The following CCDC60 variants were observed in gnomAD, a reference collection of about 807,000 sequenced individuals.
CCDC60 encodes coiled-coil domain containing 60, also known as coiled-coil domain-containing protein 60.
CCDC60 carries 54 observed loss-of-function variants against 63.5 expected under a neutral mutation model. The observed-to-expected ratio is 0.85, with a 90% CI of 0.68 to 1.07. CCDC60 has a LOEUF of 1.07. CCDC60 is among the 50% of genes least tolerant of loss of function. The pLI is 0.00. For missense variants in CCDC60, 651 were observed against 684.3 expected, an observed-to-expected ratio of 0.95 and a Z score of 0.54; for synonymous variants, 206 against 238.8, an observed-to-expected ratio of 0.86 and a Z score of 1.27.
intron 1 of CCDC60, among the ~76,000 whole-genome samples, chr12:119,340,551 G>C (rs1256148284): frequency 6.6e-6 from 1 of 151,750 alleles, no homozygotes; most frequent in African/African-American, 2.4e-5. Flanking sequence ...ACCACCAAGT[G>C]ATGAGGATGG....
rs58353618 is a variant in CCDC60, at chr12:119,435,466, G to A, written c.170+6704G>A. On this transcript the variant is annotated intron_variant, in intron 2 of 13. Transcript: ENST00000327554. ...ACAGGAGTGTCCACTTTGACTTATC[G>A]ATGACTGGTCTATGGCTGGAAGGAG... Among the ~76,000 whole-genome samples, 959 of 152,176 alleles carry A rather than the reference G, an allele frequency of 6.3e-3. 12 individuals carry two copies. Among genetic ancestry groups the A allele is most frequent in the African/African-American group, 0.022 (904 of 41,504 alleles).
intron 5 of CCDC60, among the ~76,000 whole-genome samples, chr12:119,493,399 G>T (rs1395913919): frequency 6.6e-6 from 1 of 152,094 alleles, no homozygotes; most frequent in Non-Finnish European, 1.5e-5. Flanking sequence ...TTACTGTGCT[G>T]CAAGCAGAAG....
At chr12:119,489,731 C>G (rs369172089) in intron 5 of CCDC60, among the ~76,000 whole-genome samples, 6 of 152,132 alleles carry the variant, frequency 3.9e-5, no homozygotes, top group African/African-American at 1.2e-4. Flanking sequence ...TTCCCCACCC[C>G]CCGTGCTAAC....
intron 1 of CCDC60, among the ~76,000 whole-genome samples, chr12:119,336,132 A>G (rs1029434222): frequency 2.3e-4 from 35 of 150,200 alleles, no homozygotes; most frequent in African/African-American, 8.5e-4. Context: ...TTTGGGAGAT[A>G]TACCTGATGC....
intron 1 of CCDC60, among the ~76,000 whole-genome samples, chr12:119,359,865 A>G (rs937901950): frequency 1.3e-4 from 19 of 151,890 alleles, no homozygotes; most frequent in African/African-American, 4.6e-4. Context: ...GTCACAGATC[A>G]ACAGGATCCC....
chr12:119,511,742 G>A (rs1430179966), intron 7 of CCDC60, among the ~76,000 whole-genome samples: 1 of 152,210 alleles, frequency 6.6e-6, no homozygotes. Context: ...CCAGGTCGCT[G>A]TGGTCATTTG....
At chr12:119,519,451 GTATA>G (rs754766528) in intron 8 of CCDC60, among the ~76,000 whole-genome samples, 1 of 125,942 alleles carries the variant, frequency 7.9e-6, no homozygotes, top group African/African-American at 3.5e-5. Flanking sequence ...GTGTGTGTGT[GTATA>G]TATATATATA....
At chr12:119,428,545 A>G (rs1312245902) in intron 1 of CCDC60, 138 bp from the exon 2 acceptor site, 4 of 591,788 alleles carry the variant, frequency 6.8e-6, no homozygotes, top group African/African-American at 3.7e-5. Flanking sequence ...TTTGGTGTCA[A>G]GGTAGACTCT....
Position 119,540,637 on chromosome 12 carries a change from T to C in CCDC60, c.1575T>C (p.His525=). 1.2e-6 allele frequency: 2 copies of C among 1,613,978 alleles called. No individual in the cohort carries two copies. Among genetic ancestry groups the C allele is most frequent in the South Asian group, 1.1e-5 (1 of 91,086 alleles). Residue 525 remains histidine, a synonymous_variant, in exon 14 of 14, where the codon CAT becomes CAC. Transcript: ENST00000327554. ...AGTTTGTGCGAGAACACATCATCCA[T>C]ATGCCTCAAGAGGATTACATCAGCT... ...AIEFVREHII[H]MPQEDYISWL... is the part of the protein sequence containing the mutation.
At chr12:119,532,018 G>A (rs549600920) in intron 13 of CCDC60, among the ~76,000 whole-genome samples, 9 of 152,270 alleles carry the variant, frequency 5.9e-5, no homozygotes, top group South Asian at 4.1e-4. Context: ...GCTATGGAGC[G>A]TTTGACATTT....
chr12:119,379,413 A>G (rs1485283310), intron 1 of CCDC60, among the ~76,000 whole-genome samples: 1 of 152,216 alleles, frequency 6.6e-6, no homozygotes, highest in East Asian at 1.9e-4. Context: ...ACTGCCATCC[A>G]TGAAGTTGAT....
At chr12:119,497,069 G>A (rs1249505962) in intron 5 of CCDC60, among the ~76,000 whole-genome samples, 2 of 152,116 alleles carry the variant, frequency 1.3e-5, no homozygotes, top group East Asian at 3.9e-4. Context: ...CATCAACGAG[G>A]CAGAAAAAGG....
At chr12:119,369,197 T>A (rs1402538004) in intron 1 of CCDC60, among the ~76,000 whole-genome samples, 1 of 152,108 alleles carries the variant, frequency 6.6e-6, no homozygotes, top group Non-Finnish European at 1.5e-5. Context: ...GCTGGAGGAA[T>A]GAATGCTAAA....
intron 2 of CCDC60, among the ~76,000 whole-genome samples, chr12:119,469,756 T>C (rs1951020893): frequency 6.6e-6 from 1 of 152,138 alleles, no homozygotes; most frequent in Non-Finnish European, 1.5e-5. Flanking sequence ...GAATGGCCAA[T>C]GATTGTAAGA....
chr12:119,400,631 G>T (rs904361343), intron 1 of CCDC60, among the ~76,000 whole-genome samples: 6 of 152,224 alleles, frequency 3.9e-5, no homozygotes, highest in Non-Finnish European at 5.9e-5. Flanking sequence ...ACAGCCATAG[G>T]AATGCCTGAA....
intron 4 of CCDC60, among the ~76,000 whole-genome samples, chr12:119,480,045 C>CAT (rs60718958): frequency 6.9e-6 from 1 of 144,478 alleles, no homozygotes. Flanking sequence ...CACACACACA[C>CAT]TCCACATTGA....
intron 1 of CCDC60, among the ~76,000 whole-genome samples, chr12:119,399,038 G>A (rs1313485008): frequency 6.6e-6 from 1 of 152,174 alleles, no homozygotes; most frequent in African/African-American, 2.4e-5. Context: ...TGATGACAGT[G>A]ACCTGCAATA....
intron 2 of CCDC60, among the ~76,000 whole-genome samples, chr12:119,429,245 G>A (rs929463350): frequency 6.6e-6 from 1 of 152,104 alleles, no homozygotes; most frequent in Non-Finnish European, 1.5e-5. Context: ...CAGATAAAGT[G>A]TCCCTCATAT....
chr12:119,411,550 C>T (rs1956601674), intron 1 of CCDC60, among the ~76,000 whole-genome samples: 1 of 152,096 alleles, frequency 6.6e-6, no homozygotes, highest in South Asian at 2.1e-4. Context: ...ATTAATATGT[C>T]TTTTGTTATG....
Sources: allele counts gnomAD v4.1 joint callset (sites outside exome capture counted in the v4.1 genomes callset), GRCh38; gene constraint gnomAD v4.1.1; transcripts MANE v1.5; gene names NCBI Gene and HGNC (gene_info 2026-07-23, HGNC 2026-07-21).